The following LRTM3 variants were observed in gnomAD, a reference collection of about 807,000 sequenced individuals.
LRTM3 encodes leucine rich repeat transmembrane protein 3, also known as leucine-rich repeat transmembrane protein 3.
At chr13:102,742,938 C>T in the LRTM3 span, 62 of 1,548,484 alleles carry the variant, frequency 4.0e-5, no homozygotes, top group South Asian at 6.0e-5. Flanking sequence ...TCCATCCTTG[C>T]GAGCCCAACT....
At chr13:102,740,121 C>T in the LRTM3 span, 25 of 1,547,848 alleles carry the variant, frequency 1.6e-5, no homozygotes, top group Non-Finnish European at 2.1e-5. Flanking sequence ...TTTTCATTTG[C>T]CTTTTGTGTT....
At chr13:102,739,076 T>A in the LRTM3 span, 1 of 1,550,556 alleles carries the variant, frequency 6.4e-7, no homozygotes, top group Non-Finnish European at 8.7e-7. Flanking sequence ...TCCTCTCATG[T>A]ATACCTCTTT....
the LRTM3 span, chr13:102,746,183 A>T: frequency 1.9e-6 from 3 of 1,550,970 alleles, no homozygotes; most frequent in African/African-American, 4.1e-5. Flanking sequence ...ATGTAGCTCC[A>T]GTGTTAAACA....
the LRTM3 span, chr13:102,731,876 A>G: frequency 1.9e-6 from 3 of 1,549,550 alleles, no homozygotes; most frequent in South Asian, 3.6e-5. Context: ...GGGTGTCAGA[A>G]TGCGTTTTAG....
the LRTM3 span, chr13:102,739,419 G>T: frequency 6.4e-7 from 1 of 1,550,470 alleles, no homozygotes; most frequent in Non-Finnish European, 8.7e-7. Flanking sequence ...GATGATGCCT[G>T]GAGCTTTAGT....
chr13:102,744,501 T>C, the LRTM3 span: 2 of 1,550,624 alleles, frequency 1.3e-6, no homozygotes, highest in Non-Finnish European at 1.7e-6. Flanking sequence ...CCTTCTTGCA[T>C]ATGAGGACTT....
chr13:102,744,204 G>A, the LRTM3 span: 13 of 1,550,420 alleles, frequency 8.4e-6, no homozygotes, highest in Middle Eastern at 1.7e-4. Flanking sequence ...TGCAAAATTC[G>A]TAGTTGCTTT....
the LRTM3 span, chr13:102,731,675 A>G: frequency 6.4e-7 from 1 of 1,551,426 alleles, no homozygotes; most frequent in African/African-American, 1.4e-5. Flanking sequence ...ACAAATGGGA[A>G]GTAAATGTTC....
At chr13:102,736,017 T>C in the LRTM3 span, 26 of 1,549,910 alleles carry the variant, frequency 1.7e-5, no homozygotes, top group African/African-American at 3.6e-4. Flanking sequence ...GGGAGTATTC[T>C]ACCTTCCCTG....
chr13:102,729,495 A>G, the LRTM3 span: 4,028 of 1,465,660 alleles, frequency 2.7e-3, 111 homozygotes, highest in African/African-American at 0.051. Flanking sequence ...AGCGACCCCA[A>G]CAACTTTTTG....
chr13:102,732,313 C>T, the LRTM3 span: 30 of 1,551,244 alleles, frequency 1.9e-5, no homozygotes, highest in Non-Finnish European at 2.2e-5. Context: ...TGTTCTTTAA[C>T]TTAACATCAT....
At chr13:102,753,754 T>C in the LRTM3 span, among the ~76,000 whole-genome samples, 33 of 152,214 alleles carry the variant, frequency 2.2e-4, no homozygotes, top group Middle Eastern at 3.2e-3. Flanking sequence ...TCTTTGGTAG[T>C]AAAGTCTATT....
At chr13:102,740,868 C>T in the LRTM3 span, 139 of 1,549,902 alleles carry the variant, frequency 9.0e-5, no homozygotes, top group African/African-American at 1.5e-3. Context: ...ATCTGAAGTA[C>T]GTCCATTAAA....
the LRTM3 span, chr13:102,736,297 C>T: frequency 1.3e-6 from 2 of 1,550,988 alleles, no homozygotes; most frequent in African/African-American, 2.7e-5. Context: ...ACTGTGGCTC[C>T]TTTCTCTTAC....
At chr13:102,749,200 TG>T in the LRTM3 span, 1 of 1,550,694 alleles carries the variant, frequency 6.4e-7, no homozygotes, top group Non-Finnish European at 8.7e-7. Context: ...GTGAAGTTGG[TG>T]TTTTTTTGGC....
the LRTM3 span, chr13:102,744,164 T>A: frequency 6.4e-7 from 1 of 1,550,684 alleles, no homozygotes; most frequent in Non-Finnish European, 8.7e-7. Context: ...TCTGTGGTTT[T>A]CTGTAGAATA....
the LRTM3 span, chr13:102,738,074 C>T: frequency 2.5e-4 from 390 of 1,550,932 alleles, 1 homozygote; most frequent in Non-Finnish European, 3.1e-4. Context: ...CTCACCTTCT[C>T]TGTCCTCTTT....
the LRTM3 span, chr13:102,734,037 G>A: frequency 6.4e-7 from 1 of 1,551,440 alleles, no homozygotes; most frequent in Non-Finnish European, 8.7e-7. Flanking sequence ...GGTATAGAAA[G>A]AAAAGTCCTT....
At chr13:102,736,346 G>A in the LRTM3 span, 1 of 1,551,022 alleles carries the variant, frequency 6.4e-7, no homozygotes, top group African/African-American at 1.4e-5. Flanking sequence ...CACTTGTGGA[G>A]GTGCTGATGT....
Sources: gnomAD v4.1 joint callset for allele counts (sites outside exome capture counted in the v4.1 genomes callset) on GRCh38, gnomAD v4.1.1 for gene constraint, MANE v1.5 for transcripts, NCBI Gene and HGNC (gene_info 2026-07-23, HGNC 2026-07-21) for gene names.